ANO3: variants seen among roughly 807,000 people sequenced by gnomAD.
ANO3 encodes the protein anoctamin 3.
Under a neutral mutation model 144.8 loss-of-function variants are expected in ANO3, and 99 were observed. The ratio of observed to expected loss-of-function variants is 0.68; its 90% CI spans 0.58 to 0.81. The LOEUF is 0.81. Ranked by LOEUF, ANO3 falls within the 30% of genes least tolerant of loss-of-function variation. The probability of loss-of-function intolerance (pLI) is 0.00; values close to 1 mark genes in which losing one functional copy is unlikely to be tolerated. For missense variants in ANO3, 905 were observed against 1,202.2 expected, an observed-to-expected ratio of 0.75 and a Z score of 3.66; for synonymous variants, 414 against 392.6, an observed-to-expected ratio of 1.05 and a Z score of -0.64.
rs1853907412 is a variant in ANO3, at chr11:26,662,429, T to C, written c.*1985T>C. The C allele has an allele frequency of 6.6e-6, 1 of 152,028 alleles. No individual in the cohort carries two copies. Among genetic ancestry groups the C allele is most frequent in the African/African-American group, 2.4e-5 (1 of 41,440 alleles). 9.4% of individuals were successfully genotyped at this position (152,028 alleles called of 1,614,324 possible). ...CATTTCTTTTTCTTTGTTAGGTACA[T>C]GTATACACCTGCCTGAGTATAAATA... On this transcript the variant is annotated 3_prime_UTR_variant, in exon 27 of 27. Coordinates refer to ENST00000256737, the MANE Select transcript of ANO3 (RefSeq NM_031418.4).
upstream of ANO3, among the ~76,000 whole-genome samples, chr11:26,304,996 G>A (rs1222626187): frequency 6.6e-6 from 1 of 151,578 alleles, no homozygotes; most frequent in Non-Finnish European, 1.5e-5. Context: ...CCAATTAAAG[G>A]ACTTGAAAAC....
At chr11:26,327,188 T>G (rs1854906665), upstream of ANO3, among the ~76,000 whole-genome samples, 1 of 152,220 alleles carries the variant, frequency 6.6e-6, no homozygotes, top group Non-Finnish European at 1.5e-5. Context: ...TTTGCTCAGC[T>G]TTTATGTGTC....
chr11:26,382,410 C>T (rs1447727967), intron 1 of ANO3, among the ~76,000 whole-genome samples: 3 of 152,166 alleles, frequency 2.0e-5, no homozygotes, highest in African/African-American at 7.2e-5. Flanking sequence ...AGAGCATTCT[C>T]TAACACATTA....
intron 1 of ANO3, among the ~76,000 whole-genome samples, chr11:26,193,986 TC>T (rs1851527989): frequency 6.6e-6 from 1 of 152,190 alleles, no homozygotes; most frequent in Non-Finnish European, 1.5e-5. Context: ...TGTTTCTGAC[TC>T]CTCATATATA....
intron 1 of ANO3, among the ~76,000 whole-genome samples, chr11:26,190,901 A>T (rs1233198138): frequency 6.6e-6 from 1 of 152,198 alleles, no homozygotes; most frequent in East Asian, 1.9e-4. Flanking sequence ...TTTTTCTATG[A>T]CTTCTAAGTA....
intron 1 of ANO3, among the ~76,000 whole-genome samples, chr11:26,245,608 G>A (rs931020322): frequency 6.6e-6 from 1 of 152,138 alleles, no homozygotes; most frequent in Non-Finnish European, 1.5e-5. Flanking sequence ...GCATATGGTT[G>A]TATAGGAACC....
intron 14 of ANO3, among the ~76,000 whole-genome samples, chr11:26,564,728 CACACATATATATATATATATATAT>C (rs1344954272): frequency 0.015 from 540 of 36,058 alleles, 2 homozygotes; most frequent in African/African-American, 0.032. Context: ...CACACACACA[CACACATATATATATATATATATAT>C]ATATATATAT....
intron 14 of ANO3, among the ~76,000 whole-genome samples, chr11:26,592,721 G>C (rs552467008): frequency 6.6e-6 from 1 of 151,246 alleles, no homozygotes; most frequent in African/African-American, 2.4e-5. Context: ...GAAAAGGCCT[G>C]GTCCAGTAAA....
intron 17 of ANO3, among the ~76,000 whole-genome samples, chr11:26,601,230 T>A (rs991074758): frequency 6.6e-6 from 1 of 152,186 alleles, no homozygotes; most frequent in Non-Finnish European, 1.5e-5. Flanking sequence ...GTATTATAGA[T>A]AGATAATATG....
At chr11:26,493,882 C>G (rs1860816432) in intron 4 of ANO3, among the ~76,000 whole-genome samples, 1 of 152,150 alleles carries the variant, frequency 6.6e-6, no homozygotes, top group South Asian at 2.1e-4. Flanking sequence ...CGTGAAAACT[C>G]TAAATACCTT....
chr11:26,442,952 G>C (rs1398795502), intron 2 of ANO3, among the ~76,000 whole-genome samples: 1 of 152,054 alleles, frequency 6.6e-6, no homozygotes, highest in Admixed American at 6.5e-5. Context: ...TTTTAGTAGA[G>C]ACTGGGTTTC....
intron 1 of ANO3, among the ~76,000 whole-genome samples, chr11:26,321,502 T>A (rs749255653): frequency 5.9e-5 from 9 of 152,078 alleles, no homozygotes; most frequent in Non-Finnish European, 1.2e-4. Flanking sequence ...TTGGAGTCTG[T>A]CTTCTGATTT....
intron 18 of ANO3, among the ~76,000 whole-genome samples, chr11:26,627,397 T>A (rs1852622080): frequency 6.6e-6 from 1 of 151,884 alleles, no homozygotes; most frequent in South Asian, 2.1e-4. Context: ...AAAATGACAA[T>A]AATAATAGTT....
At chr11:26,628,691 C>T (rs77053752) in intron 18 of ANO3, among the ~76,000 whole-genome samples, 1 of 152,218 alleles carries the variant, frequency 6.6e-6, no homozygotes, top group East Asian at 1.9e-4. Context: ...TTACTCCAAA[C>T]TTAGTAGCTC....
At chr11:26,485,145 G>C (rs957277600) in intron 4 of ANO3, among the ~76,000 whole-genome samples, 21 of 152,134 alleles carry the variant, frequency 1.4e-4, no homozygotes, top group African/African-American at 5.1e-4. Flanking sequence ...GGGGACTCTT[G>C]AGAAGGGACA....
intron 18 of ANO3, among the ~76,000 whole-genome samples, chr11:26,625,785 A>G (rs1023421801): frequency 6.6e-6 from 1 of 152,148 alleles, no homozygotes; most frequent in African/African-American, 2.4e-5. Flanking sequence ...AGCCAACTGC[A>G]TCTAGACTTA....
At chr11:26,558,730 AG>A (rs1340270692) in intron 13 of ANO3, among the ~76,000 whole-genome samples, 1 of 152,078 alleles carries the variant, frequency 6.6e-6, no homozygotes, top group Non-Finnish European at 1.5e-5. Context: ...TATATTTTGC[AG>A]TGTGTTCCAG....
chr11:26,327,911 T>A (rs1854928126), upstream of ANO3, among the ~76,000 whole-genome samples: 1 of 152,156 alleles, frequency 6.6e-6, no homozygotes, highest in African/African-American at 2.4e-5. Flanking sequence ...TTCAGCAGGG[T>A]TCTAAGATAT....
chr11:26,334,305 T>C (rs923759616), intron 1 of ANO3, among the ~76,000 whole-genome samples: 4 of 152,236 alleles, frequency 2.6e-5, no homozygotes, highest in Non-Finnish European at 5.9e-5. Context: ...GGCTTCTTAA[T>C]CCTGCATGGG....
Sources: gnomAD v4.1 joint callset for allele counts (sites outside exome capture counted in the v4.1 genomes callset) on GRCh38, gnomAD v4.1.1 for gene constraint, MANE v1.5 for transcripts, NCBI Gene and HGNC (gene_info 2026-07-23, HGNC 2026-07-21) for gene names.